The following HDAC11 variants were observed in gnomAD, a reference collection of about 807,000 sequenced individuals.
HDAC11 encodes the protein histone deacetylase 11.
Under a neutral mutation model 41.1 loss-of-function variants are expected in HDAC11, and 23 were observed. The observed-to-expected ratio is 0.56, with a 90% CI of 0.40 to 0.79. The LOEUF (loss-of-function observed/expected upper bound fraction) is 0.79, where lower values mean the gene tolerates loss of function less well. Ranked by LOEUF, HDAC11 falls within the 30% of genes least tolerant of loss-of-function variation. The probability of loss-of-function intolerance (pLI) is 0.00; values close to 1 mark genes in which losing one functional copy is unlikely to be tolerated. For synonymous variants in HDAC11, 187 were observed against 186.6 expected (o/e 1.00, Z -0.02); for missense variants, 402 against 477.3 (o/e 0.84, Z 1.47).
At chr3:13,481,467 A>C in intron 2 of HDAC11, 73 bp downstream of exon 2, 1 of 1,546,954 alleles carries the variant, frequency 6.5e-7, no homozygotes, top group Non-Finnish European at 8.9e-7. Context: ...CATCCCCAAC[A>C]TAAGCCTCAG....
chr3:13,482,032 A>G (rs953558105), intron 2 of HDAC11, among the ~76,000 whole-genome samples: 3 of 152,230 alleles, frequency 2.0e-5, no homozygotes, highest in Non-Finnish European at 4.4e-5. Flanking sequence ...CGAACTGGGC[A>G]CACTGGCTGC....
intron 6 of HDAC11, 90 bp downstream of exon 6, chr3:13,500,879 A>C: frequency 9.9e-7 from 1 of 1,014,248 alleles, no homozygotes; most frequent in Non-Finnish European, 1.4e-6. Flanking sequence ...ACCCTGAATT[A>C]TAGACAAGGG....
intron 2 of HDAC11, among the ~76,000 whole-genome samples, chr3:13,482,382 A>G (rs1385077844): frequency 6.6e-6 from 1 of 152,230 alleles, no homozygotes; most frequent in African/African-American, 2.4e-5. Context: ...GCTGGTTACT[A>G]TTGCCTGCAG....
At position 13,502,611 on chromosome 3, in the gene HDAC11, CACAG is replaced by C; in HGVS notation, c.553-270_553-267del. 2.6e-6 allele frequency: 1 copy of C among 391,840 alleles called. No homozygotes were observed. The highest frequency in any genetic ancestry group is 2.0e-5 in the African/African-American group (1 of 49,072). 24.3% of individuals were successfully genotyped at this position (391,840 alleles called of 1,614,324 possible). ...CATCCCTGATCCCAACCAGTCCCAC[CACAG>C]ACTTGAGAGGGTGGCAGAGCGGGAT... On this transcript the variant is annotated intron_variant, in intron 7 of 9. Transcript: ENST00000295757. The surrounding 1 kb of genome is among the most constrained non-coding windows in gnomAD (Gnocchi z 4.1).
chr3:13,484,994 G>A lies in HDAC11; in HGVS notation c.252+1430G>A, dbSNP rs1472869213. On this transcript the variant is annotated intron_variant, in intron 3 of 9. Transcript: ENST00000295757. ...GCCCTGACCCCCAGGCTCCCTGGCTGAGCTCACCTTAGACTCAGAGCCACA... is the reference window on the plus strand; with the variant it reads ...GCCCTGACCCCCAGGCTCCCTGGCTAAGCTCACCTTAGACTCAGAGCCACA... Among the ~76,000 whole-genome samples, 3 of 152,206 alleles carry A rather than the reference G, an allele frequency of 2.0e-5. No individual in the cohort carries two copies. The East Asian group carries it at 5.8e-4, about 29-fold the overall frequency.
chr3:13,498,948 C>T (rs1045708102), intron 5 of HDAC11, among the ~76,000 whole-genome samples: 3 of 152,034 alleles, frequency 2.0e-5, no homozygotes, highest in Non-Finnish European at 4.4e-5. Flanking sequence ...TCCTGGGGCC[C>T]AGGACAGCCC....
intron 2 of HDAC11, among the ~76,000 whole-genome samples, chr3:13,482,183 G>A (rs1701353303): frequency 6.6e-6 from 1 of 152,184 alleles, no homozygotes; most frequent in Non-Finnish European, 1.5e-5. Context: ...GCAAAATGAT[G>A]CTTCGAAGAG....
At chr3:13,504,407 A>G (rs760779661) in intron 9 of HDAC11, 61 bp from the exon 10 acceptor site, 20 of 1,600,532 alleles carry the variant, frequency 1.2e-5, no homozygotes, top group Non-Finnish European at 1.7e-5. Flanking sequence ...GCCCTGCAGC[A>G]GGACTTCCTG....
At position 13,480,362 on chromosome 3, in the gene HDAC11, G is replaced by C; in HGVS notation, c.2+13G>C. On this transcript the variant is annotated intron_variant, in intron 1 of 9. Transcript: ENST00000295757. The surrounding 1 kb of genome is among the most constrained non-coding windows in gnomAD (Gnocchi z 4.6). ...CCGGCCCCGGGATGTGAGTGCCGCG[G>C]GGCGAGGGCGGGGGTGGGCTCCCAG... 5.8e-6 allele frequency: 7 copies of C among 1,211,126 alleles called. No homozygotes were observed. The highest frequency in any genetic ancestry group is 7.2e-6 in the Non-Finnish European group (7 of 973,892). The allele number at this position is 1,211,126 out of a possible 1,614,324, so 75.0% of individuals were successfully genotyped here. A position where few individuals can be genotyped will look rare whatever the true frequency, so the allele number is the denominator to read the frequency against.
At chr3:13,490,788 G>C (rs796225435) in intron 3 of HDAC11, among the ~76,000 whole-genome samples, 51 of 96,530 alleles carry the variant, frequency 5.3e-4, no homozygotes, top group African/African-American at 1.9e-3. Context: ...GTCTCTCTCT[G>C]TTACCAGGCT....
At chr3:13,486,209 G>C (rs554915706) in intron 3 of HDAC11, among the ~76,000 whole-genome samples, 47 of 140,190 alleles carry the variant, frequency 3.4e-4, no homozygotes, top group African/African-American at 1.2e-3. Flanking sequence ...AGAGGTTGCA[G>C]TGAGCCGAGA....
chr3:13,486,042 C>T (rs530210870), intron 3 of HDAC11, among the ~76,000 whole-genome samples: 16 of 151,840 alleles, frequency 1.1e-4, no homozygotes, highest in African/African-American at 2.2e-4. Flanking sequence ...ACGAGGCGGG[C>T]GGATCACTTG....
chr3:13,491,860 C>T (rs1444217958), intron 3 of HDAC11, among the ~76,000 whole-genome samples: 1 of 152,224 alleles, frequency 6.6e-6, no homozygotes, highest in Non-Finnish European at 1.5e-5. Flanking sequence ...AGGTTGGGCT[C>T]CCTAGAATGG....
chr3:13,498,540 T>C lies in HDAC11; in HGVS notation c.397T>C (p.Trp133Arg). Reference sequence around the variant, plus strand: ...GGGGAAGCTGGCTGTGGAGCGAGGCTGGGCCATCAACGTGGGTGAGTGCTG... The same window carrying C: ...GGGGAAGCTGGCTGTGGAGCGAGGCCGGGCCATCAACGTGGGTGAGTGCTG... ...MAGKLAVERG[W>R]AINVGGGFHH... is the part of the protein sequence containing the mutation. The change falls in exon 5 of 10, where the codon TGG (tryptophan) becomes CGG (arginine). Residue 133 changes from tryptophan (W) to arginine (R), a missense_variant. Physicochemically the swap from Trp to Arg is moderately radical, Grantham distance 101. Coordinates refer to ENST00000295757, the MANE Select transcript of HDAC11 (RefSeq NM_024827.4). The C allele has an allele frequency of 6.2e-7, 1 of 1,606,002 alleles. No homozygotes were observed. The highest frequency in any genetic ancestry group is 8.5e-7 in the Non-Finnish European group (1 of 1,175,844).
chr3:13,490,712 AC>A (rs1701812251), intron 3 of HDAC11, among the ~76,000 whole-genome samples: 1 of 142,622 alleles, frequency 7.0e-6, no homozygotes, highest in Non-Finnish European at 1.5e-5. Context: ...GTATCCTACA[AC>A]TTTGCTGAAT....
rs1701258623 is a variant in HDAC11 at position 13,480,556 on chromosome 3, A to G, written c.2+207A>G. ...GCGCCCCTGCTCGGTGGCCCGAGGGACGCGCGCCGGCCGCGGGCCTGGGCC... is the reference window on the plus strand; with the variant it reads ...GCGCCCCTGCTCGGTGGCCCGAGGGGCGCGCGCCGGCCGCGGGCCTGGGCC... On this transcript the variant is annotated intron_variant, in intron 1 of 9. Transcript: ENST00000295757. The surrounding 1 kb of genome is among the most constrained non-coding windows in gnomAD (Gnocchi z 4.6). The G allele has an allele frequency of 6.5e-6, 2 of 310,032 alleles. No homozygotes were observed. The highest frequency in any genetic ancestry group is 2.2e-5 in the African/African-American group (1 of 44,812). The allele number at this position is 310,032 out of a possible 1,614,324, so 19.2% of individuals were successfully genotyped here.
At chr3:13,500,821 CA>C in intron 6 of HDAC11, 32 bp downstream of exon 6, 1 of 1,446,124 alleles carries the variant, frequency 6.9e-7, no homozygotes, top group Non-Finnish European at 9.3e-7. Flanking sequence ...GTCTCGCCTC[CA>C]AGAGCCCTCC....
chr3:13,496,631 G>C, intron 3 of HDAC11, 105 bp from the exon 4 acceptor site: 1 of 691,084 alleles, frequency 1.4e-6, no homozygotes, highest in Non-Finnish European at 2.5e-6. Context: ...GTTCATCCAA[G>C]GGCACCTGGA....
Position 13,481,404 on chromosome 3 carries a change from G to A in HDAC11, c.151+10G>A. 2.5e-6 allele frequency: 4 copies of A among 1,613,558 alleles called. No individual in the cohort carries two copies. The highest frequency in any genetic ancestry group is 3.4e-6 in the Non-Finnish European group (4 of 1,179,722). ...ATCAATTTCCTAAAAGGTATGGAAGGTCCCCCTTGGACTCTCATCTGCTTC... is the reference window on the plus strand; with the variant it reads ...ATCAATTTCCTAAAAGGTATGGAAGATCCCCCTTGGACTCTCATCTGCTTC... On this transcript the variant is annotated intron_variant, in intron 2 of 9. Transcript: ENST00000295757.
Sources: gnomAD v4.1 joint callset for allele counts (sites outside exome capture counted in the v4.1 genomes callset) on GRCh38, gnomAD v4.1.1 for gene constraint, Gnocchi (gnomAD v3.1) non-coding constraint, MANE v1.5 for transcripts, NCBI Gene and HGNC (gene_info 2026-07-23, HGNC 2026-07-21) for gene names.